The following MYOF variants were observed in gnomAD, a reference collection of about 807,000 sequenced individuals.
MYOF encodes fer-1-like 3, myoferlin.
MYOF carries 244 observed loss-of-function variants against 284.2 expected under a neutral mutation model. The observed-to-expected ratio is 0.86, with a 90% CI of 0.77 to 0.95. The LOEUF is 0.95. Ranked by LOEUF, MYOF falls within the 40% of genes least tolerant of loss-of-function variation. MYOF has a pLI of 0.00. For missense variants in MYOF, 2,496 were observed against 2,560.6 expected (o/e 0.97, Z 0.54); for synonymous variants, 904 against 919.7 (o/e 0.98, Z 0.31).
In MYOF at chr10:93,325,873, C is replaced by A. The variant is rs200846511; in HGVS notation, c.5224G>T (p.Val1742Leu). Residue 1742 changes from valine to leucine, a missense_variant, in exon 46 of 54, where the codon GTG (valine) becomes TTG (leucine). Physicochemically the swap from Val to Leu is conservative, Grantham distance 32 (BLOSUM62 1). Coordinates refer to ENST00000359263, the MANE Select transcript of MYOF (RefSeq NM_013451.4). ...GTGCTGTGCAAAGTCCTTGTTTCCA[C>A]GTGCTCAGGGACCAGCCCCTGAGTC... ...LRTQGLVPEHVETRTLHSTFQ... is the reference protein window; with the variant it reads ...LRTQGLVPEHLETRTLHSTFQ... The A allele has an allele frequency of 1.2e-6, 2 of 1,614,008 alleles. No homozygotes were observed. Among genetic ancestry groups the A allele is most frequent in the African/African-American group, 1.3e-5 (1 of 75,030 alleles).
At chr10:93,444,452 C>G (rs1284113677) in intron 3 of MYOF, among the ~76,000 whole-genome samples, 3 of 152,176 alleles carry the variant, frequency 2.0e-5, no homozygotes, top group African/African-American at 7.2e-5. Context: ...AGCACATACC[C>G]TGAGTACTTG....
intron 3 of MYOF, among the ~76,000 whole-genome samples, chr10:93,445,865 G>A (rs2056414085): frequency 6.6e-6 from 1 of 152,226 alleles, no homozygotes; most frequent in South Asian, 2.1e-4. Flanking sequence ...CCCCAACCCT[G>A]CACTTCAGGT....
At chr10:93,412,274 A>G (rs1847926898) in intron 5 of MYOF, among the ~76,000 whole-genome samples, 1 of 152,126 alleles carries the variant, frequency 6.6e-6, no homozygotes, top group Admixed American at 6.5e-5. Context: ...TAGTACCTCA[A>G]CATCTTTTTC....
intron 37 of MYOF, among the ~76,000 whole-genome samples, chr10:93,345,694 T>G (rs1844156269): frequency 6.6e-6 from 1 of 152,146 alleles, no homozygotes; most frequent in African/African-American, 2.4e-5. Context: ...ACCCTCCTCA[T>G]GGAAACAAAG....
intron 5 of MYOF, among the ~76,000 whole-genome samples, chr10:93,414,399 T>G (rs1848031151): frequency 6.6e-6 from 1 of 151,968 alleles, no homozygotes; most frequent in Non-Finnish European, 1.5e-5. Flanking sequence ...ATTAGCCAGG[T>G]GTGGTGGCGT....
chr10:93,471,050 A>G (rs4919163), intron 1 of MYOF, among the ~76,000 whole-genome samples: 13 of 151,922 alleles, frequency 8.6e-5, no homozygotes, highest in Non-Finnish European at 1.6e-4. Flanking sequence ...TATTGAGATG[A>G]AAAAGATGAT....
chr10:93,397,361 T>C (rs779547245), intron 14 of MYOF, 27 bp downstream of exon 14: 2 of 1,603,016 alleles, frequency 1.2e-6, no homozygotes. Flanking sequence ...GTATTCTTAC[T>C]TTTTCAGAAA....
chr10:93,416,078 G>T (rs973146162), intron 5 of MYOF, among the ~76,000 whole-genome samples: 1 of 152,144 alleles, frequency 6.6e-6, no homozygotes, highest in African/African-American at 2.4e-5. Context: ...AAAATCCAAC[G>T]GTCCAGCCTC....
intron 3 of MYOF, among the ~76,000 whole-genome samples, chr10:93,447,906 G>A (rs1466760611): frequency 6.6e-6 from 1 of 151,952 alleles, no homozygotes; most frequent in African/African-American, 2.4e-5. Flanking sequence ...CCTCCTAACT[G>A]GTTCCTACCT....
intron 19 of MYOF, among the ~76,000 whole-genome samples, chr10:93,385,943 T>C (rs1348813133): frequency 1.3e-5 from 2 of 152,216 alleles, no homozygotes; most frequent in East Asian, 3.8e-4. Flanking sequence ...TGGTTTTGCA[T>C]TCCAGTTAAT....
Position 93,306,875 on chromosome 10 carries a change from T to G in MYOF, c.*88A>C. On this transcript the variant is annotated 3_prime_UTR_variant, in exon 54 of 54. Transcript: ENST00000359263. ...CGTAACCTGCTACTGGGGTGTGGTC[T>G]CAGACACAAAATCACACTGGATGTT... 7.2e-7 allele frequency: 1 copy of G among 1,396,062 alleles called. No homozygotes were observed. Among genetic ancestry groups the G allele is most frequent in the Middle Eastern group, 1.8e-4 (1 of 5,614 alleles). The allele number at this position is 1,396,062 out of a possible 1,614,324, so 86.5% of individuals were successfully genotyped here.
intron 40 of MYOF, chr10:93,337,471 G>T: frequency 4.4e-6 from 1 of 227,272 alleles, no homozygotes; most frequent in Non-Finnish European, 8.6e-6. Context: ...TTGACATCTT[G>T]TGTCATTCTG....
At chr10:93,402,746 T>G in intron 10 of MYOF, 114 bp downstream of exon 10, 3 of 919,844 alleles carry the variant, frequency 3.3e-6, no homozygotes, top group Non-Finnish European at 4.8e-6. Flanking sequence ...TTTAAAAAAT[T>G]CCTTTAACTT....
intron 15 of MYOF, 108 bp downstream of exon 15, chr10:93,397,136 TCTC>T (rs1847055748): frequency 2.3e-6 from 2 of 877,210 alleles, no homozygotes; most frequent in Non-Finnish European, 3.3e-6. Flanking sequence ...CAATTTATCC[TCTC>T]CTCTGGAAGG....
At chr10:93,376,129 A>C (rs1178935009) in intron 22 of MYOF, among the ~76,000 whole-genome samples, 1 of 152,254 alleles carries the variant, frequency 6.6e-6, no homozygotes, top group African/African-American at 2.4e-5. Flanking sequence ...TCATATCAGA[A>C]GTATAAATAG....
At chr10:93,373,133 T>C in intron 23 of MYOF, 48 bp from the exon 24 acceptor site, 1 of 1,611,946 alleles carries the variant, frequency 6.2e-7, no homozygotes, top group Non-Finnish European at 8.5e-7. Flanking sequence ...ATGGTTAGTC[T>C]AAATGGAGAG....
chr10:93,343,138 G>A (rs1188988292), intron 38 of MYOF, among the ~76,000 whole-genome samples: 8 of 152,124 alleles, frequency 5.3e-5, no homozygotes, highest in South Asian at 2.1e-4. Flanking sequence ...ATTAAAACAC[G>A]CTGTGAATGT....
intron 2 of MYOF, among the ~76,000 whole-genome samples, chr10:93,454,691 A>G (rs1003963970): frequency 6.6e-6 from 1 of 152,148 alleles, no homozygotes; most frequent in African/African-American, 2.4e-5. Flanking sequence ...GAAAGGCATT[A>G]AAAAGGCTGG....
Position 93,366,447 on chromosome 10 carries a change from G to GA in MYOF, c.2697dup (p.Leu900SerfsTer15), listed in dbSNP as rs767121841. ...TCCCATTCCCAGCCTTTTGGAGGCA[G>GA]AAAAAATTCCCTCTTGAGTTTTATT... On this transcript the variant is annotated frameshift_variant, in exon 26 of 54. Transcript: ENST00000359263. LOFTEE classifies it high-confidence loss of function. 10 of 1,613,950 alleles carry GA rather than the reference G, an allele frequency of 6.2e-6. No homozygotes were observed. The highest frequency in any genetic ancestry group is 6.8e-6 in the Non-Finnish European group (8 of 1,179,972).
Sources: allele counts gnomAD v4.1 joint callset (sites outside exome capture counted in the v4.1 genomes callset), GRCh38; gene constraint gnomAD v4.1.1; transcripts MANE v1.5; gene names NCBI Gene and HGNC (gene_info 2026-07-23, HGNC 2026-07-21).